The following PARVA variants were observed in gnomAD, a reference collection of about 807,000 sequenced individuals.
PARVA encodes parvin alpha, also known as alpha-parvin.
Under a neutral mutation model 52.6 loss-of-function variants are expected in PARVA, and 25 were observed. The observed-to-expected ratio is 0.48, with a 90% confidence interval of 0.35 to 0.66. The LOEUF (loss-of-function observed/expected upper bound fraction) is 0.66. PARVA is among the 30% of genes least tolerant of loss of function. The pLI, the probability that PARVA is intolerant of heterozygous loss-of-function variation, is 0.01. For missense variants in PARVA, 373 were observed against 450.9 expected (o/e 0.83, Z 1.56); for synonymous variants, 185 against 179.1 (o/e 1.03, Z -0.26).
intron 1 of PARVA, among the ~76,000 whole-genome samples, chr11:12,458,167 A>T (rs1940722981): frequency 6.6e-6 from 1 of 152,220 alleles, no homozygotes; most frequent in African/African-American, 2.4e-5. Flanking sequence ...CGATTGTATT[A>T]ACATGACGCA....
rs143019257 is a variant in PARVA, at chr11:12,502,192, T to C, written c.542-2122T>C. 3.5e-3 allele frequency among the ~76,000 whole-genome samples: 532 copies of C among 152,286 alleles called. 1 individual carries two copies. Among genetic ancestry groups the C allele is most frequent in the African/African-American group, 0.012 (510 of 41,556 alleles). Reference sequence around the variant, plus strand: ...AGTTCAGAGCAGTTCAGCTTCTGTTTGTGGTGATGGTGAGCTGCTGTTCAT... The same window carrying C: ...AGTTCAGAGCAGTTCAGCTTCTGTTCGTGGTGATGGTGAGCTGCTGTTCAT... On this transcript the variant is annotated intron_variant, in intron 5 of 12. Coordinates refer to ENST00000334956, the MANE Select transcript of PARVA (RefSeq NM_018222.5).
intron 7 of PARVA, among the ~76,000 whole-genome samples, chr11:12,510,022 T>A (rs1001797101): frequency 1.3e-5 from 2 of 152,208 alleles, no homozygotes; most frequent in African/African-American, 4.8e-5. Flanking sequence ...CGGATGCATG[T>A]TATGCTTTCT....
At chr11:12,481,748 T>C (rs1941089109) in intron 4 of PARVA, among the ~76,000 whole-genome samples, 1 of 152,142 alleles carries the variant, frequency 6.6e-6, no homozygotes, top group Admixed American at 6.5e-5. Context: ...CTGAGTTGTT[T>C]GGGCAGCGAG....
intron 4 of PARVA, among the ~76,000 whole-genome samples, chr11:12,484,582 G>A (rs2135048647): frequency 6.6e-6 from 1 of 150,888 alleles, no homozygotes; most frequent in East Asian, 2.0e-4. Context: ...CCTAAAGAGT[G>A]CATTTTACAC....
intron 1 of PARVA, among the ~76,000 whole-genome samples, chr11:12,382,209 T>G (rs1939500457): frequency 6.6e-6 from 1 of 152,348 alleles, no homozygotes. Flanking sequence ...CGTTTACATT[T>G]CTCTCATCTG....
At chr11:12,459,469 C>G (rs1940745283) in intron 1 of PARVA, among the ~76,000 whole-genome samples, 1 of 151,960 alleles carries the variant, frequency 6.6e-6, no homozygotes, top group Non-Finnish European at 1.5e-5. Context: ...TGCCCTAACT[C>G]TCATATAGAA....
At chr11:12,418,433 G>A (rs1347456043) in intron 1 of PARVA, among the ~76,000 whole-genome samples, 1 of 152,116 alleles carries the variant, frequency 6.6e-6, no homozygotes, top group African/African-American at 2.4e-5. Context: ...CGTTCTCTTT[G>A]TTGGATCCAG....
rs536940458 is a variant in PARVA, at chr11:12,410,372, G to C, written c.136+32589G>C. Among the ~76,000 whole-genome samples, 3 of 152,300 alleles carry C rather than the reference G, an allele frequency of 2.0e-5. No individual in the cohort carries two copies. The South Asian group carries it at 6.2e-4, about 32-fold the overall frequency. ...CCCTCCAAGGTCTGCCTTTCCCCCC[G>C]GCAGGGACTCCGGGCCAGCTGCTCC... is the stretch of plus-strand genomic sequence containing the variant. On this transcript the variant is annotated intron_variant, in intron 1 of 12. Coordinates refer to ENST00000334956, the MANE Select transcript of PARVA (RefSeq NM_018222.5).
chr11:12,451,291 G>A (rs973126570), intron 1 of PARVA, among the ~76,000 whole-genome samples: 1 of 152,154 alleles, frequency 6.6e-6, no homozygotes, highest in African/African-American at 2.4e-5. Flanking sequence ...CTCATCTCTA[G>A]CAGCTAAAAG....
Position 12,505,364 on chromosome 11 carries a change from T to A in PARVA, c.657+935T>A, listed in dbSNP as rs1440041317. Among the ~76,000 whole-genome samples the A allele has an allele frequency of 2.6e-5, 4 of 152,012 alleles. No homozygotes were observed. The East Asian group carries it at 7.7e-4, about 29-fold the overall frequency. On this transcript the variant is annotated intron_variant, in intron 6 of 12. Coordinates refer to ENST00000334956, the MANE Select transcript of PARVA (RefSeq NM_018222.5). ...ACTTTGCCCTGTCAGACCAGGCCAG[T>A]TTCCAAGACAAAAGGACTTTGAGTT...
At chr11:12,501,382 C>T (rs1480811758) in intron 5 of PARVA, among the ~76,000 whole-genome samples, 3 of 151,946 alleles carry the variant, frequency 2.0e-5, no homozygotes, top group African/African-American at 7.3e-5. Context: ...GCAAACTATT[C>T]ATTATGTGTA....
chr11:12,377,131 A>G, upstream of PARVA: 1 of 191,452 alleles, frequency 5.2e-6, no homozygotes, highest in South Asian at 1.5e-4. Context: ...CACTGCAATA[A>G]TTTCTTCCAG....
chr11:12,464,966 A>T (rs1269830102), intron 1 of PARVA, among the ~76,000 whole-genome samples: 2 of 152,216 alleles, frequency 1.3e-5, no homozygotes, highest in African/African-American at 4.8e-5. Context: ...TTAAATTCTC[A>T]TAAGGAGCAC....
At chr11:12,400,614 T>A (rs1217391679) in intron 1 of PARVA, among the ~76,000 whole-genome samples, 1 of 150,208 alleles carries the variant, frequency 6.7e-6, no homozygotes, top group Non-Finnish European at 1.5e-5. Context: ...TGTATGGGAC[T>A]TTTCTTGAGT....
chr11:12,463,946 A>G (rs1047660370), intron 1 of PARVA, among the ~76,000 whole-genome samples: 1 of 148,346 alleles, frequency 6.7e-6, no homozygotes, highest in African/African-American at 2.5e-5. Context: ...AGCTCTTTCA[A>G]TCAGCTCCTG....
chr11:12,528,182 G>T lies in PARVA; in HGVS notation c.*257G>T. 2.0e-6 allele frequency: 1 copy of T among 508,492 alleles called. No individual in the cohort carries two copies. Among genetic ancestry groups the T allele is most frequent in the Non-Finnish European group, 3.5e-6 (1 of 283,952 alleles). The allele number at this position is 508,492 out of a possible 1,614,324, so 31.5% of individuals were successfully genotyped here. A position where few individuals can be genotyped will look rare whatever the true frequency, so the allele number is the denominator to read the frequency against. ...AAGGTTGTTCCCTTCCCGGTGCCAG[G>T]TCCAGATTTCCCTCCATGATTTGGG... On this transcript the variant is annotated 3_prime_UTR_variant, in exon 13 of 13. Transcript: ENST00000334956.
chr11:12,514,210 T>A, intron 10 of PARVA, 145 bp downstream of exon 10: 1 of 623,392 alleles, frequency 1.6e-6, no homozygotes, highest in Non-Finnish European at 2.9e-6. Context: ...AGGGGTGGAC[T>A]GAGTCTCTGT....
intron 1 of PARVA, among the ~76,000 whole-genome samples, chr11:12,389,003 A>C (rs1321658681): frequency 2.0e-5 from 3 of 152,162 alleles, no homozygotes; most frequent in Non-Finnish European, 2.9e-5. Flanking sequence ...GTTAGAACTG[A>C]TAGCCAAGAA....
intron 9 of PARVA, 171 bp from the exon 10 acceptor site, chr11:12,513,826 C>T: frequency 1.6e-6 from 1 of 630,430 alleles, no homozygotes; most frequent in South Asian, 1.9e-5. Flanking sequence ...TGTGGCCCTC[C>T]CTGTGCACTC....
Sources: gnomAD v4.1 joint callset for allele counts (sites outside exome capture counted in the v4.1 genomes callset) on GRCh38, gnomAD v4.1.1 for gene constraint, MANE v1.5 for transcripts, NCBI Gene and HGNC (gene_info 2026-07-23, HGNC 2026-07-21) for gene names.